The following TMEM39B variants were observed in gnomAD, a reference collection of about 807,000 sequenced individuals.
TMEM39B encodes transmembrane protein 39B.
Under a neutral mutation model 52.2 loss-of-function variants are expected in TMEM39B, and 23 were observed. That is an observed-to-expected ratio of 0.44 (90% CI 0.32 to 0.62). The LOEUF (loss-of-function observed/expected upper bound fraction) is 0.62, where lower values mean the gene tolerates loss of function less well. Among genes scored for constraint, TMEM39B ranks in the 20% least tolerant of loss-of-function variants. The pLI is 0.06. For synonymous variants in TMEM39B, 285 were observed against 264.0 expected (o/e 1.08, Z -0.77); for missense variants, 547 against 642.0 (o/e 0.85, Z 1.60).
At position 32,094,942 on chromosome 1, in the gene TMEM39B, A is replaced by G. The variant is rs768644476; in HGVS notation, c.1086A>G (p.Pro362=). 6.2e-7 allele frequency: 1 copy of G among 1,613,712 alleles called. No individual in the cohort carries two copies. Among genetic ancestry groups the G allele is most frequent in the South Asian group, 1.1e-5 (1 of 91,078 alleles). ...TGGGCTGTTGGCAGAAGGTGGACCC[A>G]GCGCTGTGCTCCAACGTGCTGCAGC... is the stretch of plus-strand genomic sequence containing the variant. ...AHLGCWQKVD[P]ALCSNVLQHP... is the part of the protein sequence containing the mutation. Residue 362 remains proline (P), a synonymous_variant, in exon 7 of 9, where the codon CCA becomes CCG. Coordinates refer to ENST00000336294, the MANE Select transcript of TMEM39B (RefSeq NM_018056.4).
Position 32,077,184 on chromosome 1 carries a change from C to G in TMEM39B, c.456C>G (p.Val152=). The part of the protein sequence containing the change: ...IVKEASQRGK[V]SLFRSILLFL... The stretch of plus-strand genomic sequence containing the variant: ...CCCAGGCCTCTCAGAGGGGGAAGGT[C>G]TCCCTCTTTCGCTCCATCCTGCTGT... Residue 152 remains valine, a synonymous_variant, in exon 5 of 9, where the codon GTC becomes GTG. Coordinates refer to ENST00000336294, the MANE Select transcript of TMEM39B (RefSeq NM_018056.4). 6.2e-7 allele frequency: 1 copy of G among 1,614,174 alleles called. No homozygotes were observed. Among genetic ancestry groups the G allele is most frequent in the South Asian group, 1.1e-5 (1 of 91,084 alleles).
At chr1:32,074,135 C>A (rs1369081728) in intron 1 of TMEM39B, among the ~76,000 whole-genome samples, 2 of 152,046 alleles carry the variant, frequency 1.3e-5, no homozygotes, top group African/African-American at 4.8e-5. Flanking sequence ...GACTGCTCAG[C>A]CTAGTAGGTC....
At position 32,094,952 on chromosome 1, in the gene TMEM39B, T is replaced by C; in HGVS notation, c.1096T>C (p.Ser366Pro). The C allele has an allele frequency of 6.2e-7, 1 of 1,613,456 alleles. No individual in the cohort carries two copies. The highest frequency in any genetic ancestry group is 1.3e-5 in the African/African-American group (1 of 75,060). Residue 366 changes from serine to proline, a missense_variant, in exon 7 of 9, where the codon TCC (serine) becomes CCC (proline). By Grantham distance (74) the Ser-to-Pro change is moderately conservative (BLOSUM62 -1). Coordinates refer to ENST00000336294, the MANE Select transcript of TMEM39B (RefSeq NM_018056.4). ...GCAGAAGGTGGACCCAGCGCTGTGC[T>C]CCAACGTGCTGCAGCACCCGTGAGT... Reference protein sequence around the residue: ...CWQKVDPALCSNVLQHPWTEE... With the variant: ...CWQKVDPALCPNVLQHPWTEE...
intron 7 of TMEM39B, among the ~76,000 whole-genome samples, chr1:32,099,567 G>A (rs1458681309): frequency 6.6e-6 from 1 of 152,174 alleles, no homozygotes; most frequent in Non-Finnish European, 1.5e-5. Flanking sequence ...GAAGGATTAG[G>A]CTTTGGGAAG....
intron 5 of TMEM39B, among the ~76,000 whole-genome samples, chr1:32,081,196 T>A (rs1326595925): frequency 6.6e-6 from 1 of 151,674 alleles, no homozygotes; most frequent in Non-Finnish European, 1.5e-5. Context: ...TTTTATTTGT[T>A]TGTTTGTTTG....
intron 8 of TMEM39B, 110 bp from the exon 9 acceptor site, chr1:32,102,321 T>C: frequency 2.7e-6 from 4 of 1,481,370 alleles, no homozygotes; most frequent in Non-Finnish European, 3.6e-6. Flanking sequence ...CACCCATGTC[T>C]GCATGGGGCC....
chr1:32,085,673 C>T (rs1640315375), intron 5 of TMEM39B, among the ~76,000 whole-genome samples: 1 of 151,904 alleles, frequency 6.6e-6, no homozygotes, highest in African/African-American at 2.4e-5. Flanking sequence ...ATTGCTTGAA[C>T]CCGGGAGGTG....
chr1:32,096,987 T>G (rs1160474073), intron 7 of TMEM39B, among the ~76,000 whole-genome samples: 5 of 151,972 alleles, frequency 3.3e-5, no homozygotes, highest in Non-Finnish European at 7.4e-5. Flanking sequence ...TATTTTTTTG[T>G]AGAGACAAGG....
intron 8 of TMEM39B, among the ~76,000 whole-genome samples, chr1:32,101,128 T>G (rs1215354804): frequency 1.3e-5 from 2 of 152,202 alleles, no homozygotes; most frequent in African/African-American, 4.8e-5. Context: ...GAAGGGGCTC[T>G]TGGCAGTGAA....
rs1458146414 is a variant in TMEM39B at position 32,102,528 on chromosome 1, A to G, written c.1334A>G (p.Lys445Arg). 1.9e-6 allele frequency: 3 copies of G among 1,614,026 alleles called. No homozygotes were observed. Among genetic ancestry groups the G allele is most frequent in the East Asian group, 2.2e-5 (1 of 44,900 alleles). ...CTGTACTCCCTAATGTCCTCTGAAA[A>G]GTGGCACCAGACCATCTCGCTGGCC... is the stretch of plus-strand genomic sequence containing the variant. Reference protein sequence around the residue: ...YQLYSLMSSEKWHQTISLALI... With the variant: ...YQLYSLMSSERWHQTISLALI... The change falls in exon 9 of 9, where the codon AAG becomes AGG. Residue 445 changes from lysine to arginine, a missense_variant. Lys to Arg is a conservative substitution (Grantham distance 26, BLOSUM62 2). Transcript: ENST00000336294.
At chr1:32,074,034 C>T (rs1639752296) in intron 1 of TMEM39B, among the ~76,000 whole-genome samples, 1 of 152,110 alleles carries the variant, frequency 6.6e-6, no homozygotes, top group African/African-American at 2.4e-5. Flanking sequence ...CAGTCGTGAG[C>T]CACCACACCC....
chr1:32,076,880 G>A (rs1259250119), intron 4 of TMEM39B, 34 bp downstream of exon 4: 1 of 1,608,796 alleles, frequency 6.2e-7, no homozygotes, highest in African/African-American at 1.3e-5. Flanking sequence ...CAGGGACTTT[G>A]GGATTCCCCT....
rs1487827565 is a variant in TMEM39B at position 32,094,781 on chromosome 1, C to T, written c.928-3C>T. ...GGCCTCACCCACCTTCTGCTACCCC[C>T]AGAACACACATTACTATGACAAGCG... On this transcript the variant is annotated splice_polypyrimidine_tract_variant and splice_region_variant and intron_variant, in intron 6 of 8. Coordinates refer to ENST00000336294, the MANE Select transcript of TMEM39B (RefSeq NM_018056.4). 2 of 1,614,162 alleles carry T rather than the reference C, an allele frequency of 1.2e-6. No homozygotes were observed. The highest frequency in any genetic ancestry group is 1.6e-4 in the Middle Eastern group (1 of 6,062).
At chr1:32,086,034 G>C (rs917919737) in intron 5 of TMEM39B, among the ~76,000 whole-genome samples, 1 of 152,042 alleles carries the variant, frequency 6.6e-6, no homozygotes, top group Admixed American at 6.6e-5. Context: ...GTTAGGCTTT[G>C]AGCCTCCGTA....
intron 5 of TMEM39B, among the ~76,000 whole-genome samples, chr1:32,085,737 C>T (rs1044839037): frequency 6.7e-5 from 10 of 148,650 alleles, no homozygotes; most frequent in African/African-American, 1.8e-4. Flanking sequence ...GGCAACAGAG[C>T]GAGACTCTGT....
intron 7 of TMEM39B, among the ~76,000 whole-genome samples, chr1:32,099,970 C>G (rs558321107): frequency 3.6e-4 from 55 of 152,140 alleles, no homozygotes; most frequent in African/African-American, 1.3e-3. Flanking sequence ...TTGCTTGAAC[C>G]TGGGAGGCGG....
At chr1:32,084,711 A>G (rs190184096) in intron 5 of TMEM39B, among the ~76,000 whole-genome samples, 1 of 152,192 alleles carries the variant, frequency 6.6e-6, no homozygotes, top group East Asian at 1.9e-4. Flanking sequence ...CTGGGATTAC[A>G]GGCACGCCAC....
chr1:32,092,888 G>A (rs547894112), intron 6 of TMEM39B, among the ~76,000 whole-genome samples: 15 of 152,316 alleles, frequency 9.8e-5, no homozygotes, highest in African/African-American at 2.9e-4. Context: ...ATTGTTATTC[G>A]TAATACTTGA....
chr1:32,091,478 C>T (rs1454218447), intron 5 of TMEM39B, among the ~76,000 whole-genome samples, 197 bp from the exon 6 acceptor site: 1 of 152,196 alleles, frequency 6.6e-6, no homozygotes, highest in Non-Finnish European at 1.5e-5. Flanking sequence ...GTGCTTGGCA[C>T]GTACCGAGTG....
Sources: gnomAD v4.1 joint callset for allele counts (sites outside exome capture counted in the v4.1 genomes callset) on GRCh38, gnomAD v4.1.1 for gene constraint, MANE v1.5 for transcripts, NCBI Gene and HGNC (gene_info 2026-07-23, HGNC 2026-07-21) for gene names.